CYP2R1: variants seen among roughly 807,000 people sequenced by gnomAD.
CYP2R1 encodes the protein cytochrome P450 family 2 subfamily R member 1, also known as vitamin D 25-hydroxylase.
CYP2R1 carries 40 observed loss-of-function variants against 45.7 expected under a neutral mutation model. The ratio of observed to expected loss-of-function variants is 0.87; its 90% CI spans 0.68 to 1.14. The LOEUF is 1.14. Ranked by LOEUF, CYP2R1 falls within the 50% of genes most tolerant of loss-of-function variation. The pLI, the probability that CYP2R1 is intolerant of heterozygous loss-of-function variation, is 0.00. For missense variants in CYP2R1, 605 were observed against 602.6 expected (o/e 1.00, Z -0.04); for synonymous variants, 234 against 219.3 (o/e 1.07, Z -0.59).
At chr11:14,885,957 T>G (rs376832292) in intron 1 of CYP2R1, 40 bp from the exon 2 acceptor site, 4 of 1,595,174 alleles carry the variant, frequency 2.5e-6, no homozygotes, top group African/African-American at 2.7e-5. Flanking sequence ...AATGACAGCA[T>G]GTATGGAGAA....
At position 14,880,404 on chromosome 11, in the gene CYP2R1, T is replaced by C. The variant is rs931839114; in HGVS notation, c.732A>G (p.Gln244=). 4 of 1,613,420 alleles carry C rather than the reference T, an allele frequency of 2.5e-6. No individual in the cohort carries two copies. In the South Asian group the frequency reaches 3.3e-5, roughly 13 times the overall value. ...WIGILPFGKH[Q]QLFRNAAVVY... ...CTACAGCTGCATTTCTAAACAGCTG[T>C]TGATGTTTTCCAAAAGGCAGGATGC... Residue 244 remains glutamine, a synonymous_variant, in exon 3 of 5, where the codon CAA becomes CAG. Transcript: ENST00000334636.
chr11:14,887,515 G>T, intron 1 of CYP2R1: 1 of 814,860 alleles, frequency 1.2e-6, no homozygotes, highest in Non-Finnish European at 1.5e-6. Context: ...TCTATGGAAG[G>T]GTACAAGATT....
chr11:14,889,164 G>T (rs199839239), intron 1 of CYP2R1, among the ~76,000 whole-genome samples: 39 of 140,200 alleles, frequency 2.8e-4, no homozygotes, highest in East Asian at 1.0e-3. Flanking sequence ...AAGTCCAGTT[G>T]TTTTTTTTTT....
intron 2 of CYP2R1, among the ~76,000 whole-genome samples, chr11:14,882,515 C>G (rs920027297): frequency 3.9e-5 from 6 of 152,134 alleles, no homozygotes; most frequent in Non-Finnish European, 7.4e-5. Context: ...TATAAAAACC[C>G]TACACTGGCC....
chr11:14,886,670 G>C (rs782629634), intron 1 of CYP2R1: 18 of 152,224 alleles, frequency 1.2e-4, no homozygotes, highest in Non-Finnish European at 2.4e-4. Context: ...TAAGAGGCCA[G>C]TCAGTGAGAG....
At chr11:14,892,399 G>A (rs1397882512), upstream of CYP2R1, 4 of 620,226 alleles carry the variant, frequency 6.4e-6, no homozygotes, top group Non-Finnish European at 1.1e-5. Context: ...TGGACTTTGC[G>A]GAGCGGGTGG....
chr11:14,887,014 C>A (rs1848646150), intron 1 of CYP2R1: 1 of 152,218 alleles, frequency 6.6e-6, no homozygotes, highest in South Asian at 2.1e-4. Context: ...CATGGACTGC[C>A]TGCCATAAGC....
At chr11:14,882,142 G>T (rs1474347905) in intron 2 of CYP2R1, among the ~76,000 whole-genome samples, 3 of 152,064 alleles carry the variant, frequency 2.0e-5, no homozygotes, top group Non-Finnish European at 4.4e-5. Context: ...CATTTAACAT[G>T]TATTTGTGGA....
Position 14,879,516 on chromosome 11 carries a change from A to G in CYP2R1, c.1001-73T>C. 2.4e-6 allele frequency: 3 copies of G among 1,245,582 alleles called. No individual in the cohort carries two copies. In the South Asian group the frequency reaches 3.8e-5, roughly 16 times the overall value. The allele number at this position is 1,245,582 out of a possible 1,614,324, so 77.2% of individuals were successfully genotyped here. Reference sequence around the variant, plus strand: ...ACCTAAAGTTATTTCCCTCTGGAATAAAATAAAGGATAACCTATAACAAGC... The same window carrying G: ...ACCTAAAGTTATTTCCCTCTGGAATGAAATAAAGGATAACCTATAACAAGC... On this transcript the variant is annotated intron_variant, in intron 3 of 4. Coordinates refer to ENST00000334636, the MANE Select transcript of CYP2R1 (RefSeq NM_024514.5).
chr11:14,892,288 G>C (rs1848894403), upstream of CYP2R1: 1 of 1,368,614 alleles, frequency 7.3e-7, no homozygotes, highest in Non-Finnish European at 1.0e-6. Context: ...CCATTGGCAG[G>C]ATACCCTCAG....
At chr11:14,891,129 C>T (rs1555016677) in intron 1 of CYP2R1, 1 of 985,324 alleles carries the variant, frequency 1.0e-6, no homozygotes, top group African/African-American at 1.7e-5. Flanking sequence ...AACTCCTGCC[C>T]CCTCCGGACG....
chr11:14,879,559 A>C, intron 3 of CYP2R1, 116 bp from the exon 4 acceptor site: 1 of 703,654 alleles, frequency 1.4e-6, no homozygotes, highest in South Asian at 1.7e-5. Flanking sequence ...ATATAGATAC[A>C]TCCAGATTCA....
At chr11:14,887,566 A>T (rs1848668361) in intron 1 of CYP2R1, 1 of 981,418 alleles carries the variant, frequency 1.0e-6, no homozygotes, top group Non-Finnish European at 1.2e-6. Flanking sequence ...TTTTAGTGCC[A>T]ATTATGGGCT....
At chr11:14,878,333 C>G (rs1342952129) in intron 4 of CYP2R1, 36 bp from the exon 5 acceptor site, 54 of 1,597,916 alleles carry the variant, frequency 3.4e-5, no homozygotes, top group Non-Finnish European at 4.5e-5. Context: ...ATTTTTTAAA[C>G]CCACAATCTT....
chr11:14,882,725 A>G (rs1372270870), intron 2 of CYP2R1, among the ~76,000 whole-genome samples: 1 of 152,202 alleles, frequency 6.6e-6, no homozygotes, highest in Non-Finnish European at 1.5e-5. Context: ...TTCAATTAGG[A>G]AAAGAGGAAG....
chr11:14,881,346 T>A (rs1590216652), intron 2 of CYP2R1, among the ~76,000 whole-genome samples: 1 of 152,132 alleles, frequency 6.6e-6, no homozygotes, highest in Non-Finnish European at 1.5e-5. Flanking sequence ...CAAACTTTTC[T>A]AATGCTGATA....
chr11:14,880,206 A>G lies in CYP2R1; in HGVS notation c.930T>C (p.Ala310=). 1 of 1,613,086 alleles carries G rather than the reference A, an allele frequency of 6.2e-7. No homozygotes were observed. The highest frequency in any genetic ancestry group is 8.5e-7 in the Non-Finnish European group (1 of 1,179,374). Reference sequence around the variant, plus strand: ...GCACATTGGTTGTAGTTTCAGTTCCAGCAATGATGAGTTCACCCACTGAGA... The same window carrying G: ...GCACATTGGTTGTAGTTTCAGTTCCGGCAATGATGAGTTCACCCACTGAGA... ...LIFSVGELII[A]GTETTTNVLR... Residue 310 remains alanine (A), a synonymous_variant, in exon 3 of 5, where the codon GCT becomes GCC. Transcript: ENST00000334636.
chr11:14,884,292 A>C (rs1432438206), intron 2 of CYP2R1, among the ~76,000 whole-genome samples: 6 of 151,792 alleles, frequency 4.0e-5, no homozygotes, highest in East Asian at 2.1e-4. Flanking sequence ...AAAGGTCCAA[A>C]AATGATAGAC....
rs915776714 is a variant in CYP2R1, at chr11:14,878,047, A to C, written c.*75T>G. On this transcript the variant is annotated 3_prime_UTR_variant, in exon 5 of 5. Coordinates refer to ENST00000334636, the MANE Select transcript of CYP2R1 (RefSeq NM_024514.5). Reference sequence around the variant, plus strand: ...TGCTGTGACTTTTATTCTAATACACACATTGATTTGATTAAACCAAGTTCA... The same window carrying C: ...TGCTGTGACTTTTATTCTAATACACCCATTGATTTGATTAAACCAAGTTCA... 1.3e-6 allele frequency: 2 copies of C among 1,490,898 alleles called. No homozygotes were observed. Among genetic ancestry groups the C allele is most frequent in the African/African-American group, 2.8e-5 (2 of 71,796 alleles). 92.4% of individuals were successfully genotyped at this position (1,490,898 alleles called of 1,614,324 possible). A position where few individuals can be genotyped will look rare whatever the true frequency, so the allele number is the denominator to read the frequency against.
Sources: allele counts gnomAD v4.1 joint callset (sites outside exome capture counted in the v4.1 genomes callset), GRCh38; gene constraint gnomAD v4.1.1; transcripts MANE v1.5; gene names NCBI Gene and HGNC (gene_info 2026-07-23, HGNC 2026-07-21).